The following LRRTM4 variants were observed in gnomAD, a reference collection of about 807,000 sequenced individuals.
LRRTM4 encodes the protein leucine rich repeat transmembrane neuronal 4, also known as leucine-rich repeat transmembrane neuronal protein 4.
A neutral mutation model predicts 47.6 loss-of-function variants in LRRTM4; 25 were observed. That is an observed-to-expected ratio of 0.53 (90% confidence interval 0.38 to 0.73). LRRTM4 has a LOEUF of 0.73. LRRTM4 is among the 30% of genes least tolerant of loss of function. The probability of loss-of-function intolerance (pLI) is 0.00; values close to 1 mark genes in which losing one functional copy is unlikely to be tolerated. For missense variants in LRRTM4, 638 were observed against 713.4 expected (o/e 0.89, Z 1.20); for synonymous variants, 311 against 269.5 (o/e 1.15, Z -1.51).
intron 3 of LRRTM4, among the ~76,000 whole-genome samples, chr2:76,898,380 T>G (rs975169792): frequency 6.6e-5 from 10 of 151,596 alleles, no homozygotes; most frequent in African/African-American, 2.4e-4. Flanking sequence ...ATTTCTTTGC[T>G]TCAATAAAAA....
intron 3 of LRRTM4, among the ~76,000 whole-genome samples, chr2:77,349,665 A>T (rs1430933818): frequency 2.0e-5 from 3 of 152,122 alleles, no homozygotes; most frequent in Non-Finnish European, 4.4e-5. Flanking sequence ...ATGTTTTATC[A>T]GACATTAGAA....
intron 3 of LRRTM4, among the ~76,000 whole-genome samples, chr2:77,084,296 C>G (rs1680636655): frequency 6.6e-6 from 1 of 152,128 alleles, no homozygotes; most frequent in African/African-American, 2.4e-5. Context: ...AGGCTAGTTG[C>G]AACCATCTTG....
chr2:77,061,193 C>A (rs1679774331), intron 3 of LRRTM4, among the ~76,000 whole-genome samples: 1 of 151,752 alleles, frequency 6.6e-6, no homozygotes, highest in Non-Finnish European at 1.5e-5. Flanking sequence ...ATGTGAGAAG[C>A]AAATTAGATA....
At chr2:77,313,486 T>A (rs1355989241) in intron 3 of LRRTM4, among the ~76,000 whole-genome samples, 3 of 151,216 alleles carry the variant, frequency 2.0e-5, no homozygotes, top group Admixed American at 6.6e-5. Flanking sequence ...TCCCTATGTT[T>A]TCCTGGGAGT....
intron 3 of LRRTM4, among the ~76,000 whole-genome samples, chr2:77,355,966 GC>G (rs1283292575): frequency 6.6e-6 from 1 of 152,148 alleles, no homozygotes. Flanking sequence ...TATGGCATGT[GC>G]CTGTAGTCCC....
At chr2:76,784,560 A>ATAAATGCAATATTTTC (rs1674572841) in intron 3 of LRRTM4, among the ~76,000 whole-genome samples, 2 of 152,090 alleles carry the variant, frequency 1.3e-5, no homozygotes, top group Non-Finnish European at 2.9e-5. Context: ...CATAAAGTAA[A>ATAAATGCAATATTTTC]TAAATGCAAT....
At chr2:77,038,363 G>A (rs1405632014) in intron 3 of LRRTM4, among the ~76,000 whole-genome samples, 2 of 151,532 alleles carry the variant, frequency 1.3e-5, no homozygotes, top group African/African-American at 4.8e-5. Context: ...GGCATGTTAA[G>A]CTAACTGCAG....
At chr2:76,787,727 C>T (rs930591858) in intron 3 of LRRTM4, among the ~76,000 whole-genome samples, 1 of 151,874 alleles carries the variant, frequency 6.6e-6, no homozygotes, top group African/African-American at 2.4e-5. Context: ...ACTTGTTTTG[C>T]AACTATGAAA....
At chr2:77,147,910 A>G (rs959175474) in intron 3 of LRRTM4, among the ~76,000 whole-genome samples, 1 of 152,154 alleles carries the variant, frequency 6.6e-6, no homozygotes, top group African/African-American at 2.4e-5. Context: ...TTAAGCATTG[A>G]GGGTTTATGG....
intron 3 of LRRTM4, among the ~76,000 whole-genome samples, chr2:77,165,893 A>C (rs1396856215): frequency 1.3e-5 from 2 of 152,178 alleles, no homozygotes; most frequent in Admixed American, 1.3e-4. Flanking sequence ...CCCTTTGAAA[A>C]CTGGCCCAAG....
chr2:77,172,718 G>A (rs1673084876), intron 3 of LRRTM4, among the ~76,000 whole-genome samples: 1 of 152,080 alleles, frequency 6.6e-6, no homozygotes, highest in African/African-American at 2.4e-5. Flanking sequence ...CCAAAAAAAC[G>A]CATAGACGGA....
intron 3 of LRRTM4, among the ~76,000 whole-genome samples, chr2:77,234,908 G>A (rs1186166298): frequency 6.6e-6 from 1 of 152,062 alleles, no homozygotes; most frequent in East Asian, 1.9e-4. Flanking sequence ...TCCCCATCCA[G>A]TGTCTATTGT....
At chr2:76,953,010 A>C (rs968981859) in intron 3 of LRRTM4, among the ~76,000 whole-genome samples, 3 of 151,948 alleles carry the variant, frequency 2.0e-5, no homozygotes, top group Non-Finnish European at 4.4e-5. Context: ...TGGGAGCAAT[A>C]GACATTAGAG....
chr2:76,950,553 T>G (rs13385727), intron 3 of LRRTM4, among the ~76,000 whole-genome samples: 89,889 of 151,374 alleles, frequency 0.59, 28,957 homozygotes, highest in African/African-American at 0.85. Context: ...GTCCTCTGGT[T>G]AATCAAAATG....
At chr2:77,287,731 T>C (rs2104117675) in intron 3 of LRRTM4, among the ~76,000 whole-genome samples, 1 of 152,268 alleles carries the variant, frequency 6.6e-6, no homozygotes, top group African/African-American at 2.4e-5. Context: ...ACATAACTTT[T>C]ATTACAGTAT....
At chr2:76,974,668 G>A (rs1206919211) in intron 3 of LRRTM4, among the ~76,000 whole-genome samples, 3 of 151,560 alleles carry the variant, frequency 2.0e-5, no homozygotes, top group African/African-American at 4.8e-5. Flanking sequence ...TCAGTAAGTT[G>A]TGCTAGAACT....
intron 3 of LRRTM4, among the ~76,000 whole-genome samples, chr2:77,288,773 T>A (rs1230270717): frequency 6.6e-6 from 1 of 152,084 alleles, no homozygotes; most frequent in Non-Finnish European, 1.5e-5. Flanking sequence ...ACTCATCCTG[T>A]GTATCCTGTT....
At chr2:77,229,488 G>A (rs574452018) in intron 3 of LRRTM4, among the ~76,000 whole-genome samples, 140 of 152,104 alleles carry the variant, frequency 9.2e-4, no homozygotes, top group African/African-American at 2.7e-3. Flanking sequence ...GTAACGTTGC[G>A]TCTCAAGTCT....
In LRRTM4 at chr2:76,816,819, G is replaced by GTTTTTTT. The variant is rs201525166; in HGVS notation, c.1552-67910_1552-67904dup. Among the ~76,000 whole-genome samples, 99 of 96,474 alleles carry GTTTTTTT rather than the reference G, an allele frequency of 1.0e-3. 4 individuals carry two copies. The highest frequency in any genetic ancestry group is 4.9e-3 in the Middle Eastern group (1 of 206). 63.3% of individuals were successfully genotyped at this position (96,474 alleles called of 152,430 possible). On this transcript the variant is annotated intron_variant, in intron 3 of 3. Coordinates refer to ENST00000409884, the MANE Select transcript of LRRTM4 (RefSeq NM_001134745.3). The stretch of plus-strand genomic sequence containing the variant: ...CACTGCTTTTACTTAGAGGTAAAGA[G>GTTTTTTT]TTTTTTTTTTTTTTTTTTTTTTTTT...
Sources: gnomAD v4.1 joint callset for allele counts (sites outside exome capture counted in the v4.1 genomes callset) on GRCh38, gnomAD v4.1.1 for gene constraint, MANE v1.5 for transcripts, NCBI Gene and HGNC (gene_info 2026-07-23, HGNC 2026-07-21) for gene names.